The following ASTN2 variants were observed in gnomAD, a reference collection of about 807,000 sequenced individuals.
ASTN2 encodes astrotactin-2.
ASTN2 carries 54 observed loss-of-function variants against 139.8 expected under a neutral mutation model. That is an observed-to-expected ratio of 0.39 (90% CI 0.31 to 0.48). The LOEUF is 0.48. ASTN2 is among the 20% of genes least tolerant of loss of function. The pLI, the probability that ASTN2 is intolerant of heterozygous loss-of-function variation, is 0.95. For synonymous variants in ASTN2, 756 were observed against 719.5 expected (o/e 1.05, Z -0.81); for missense variants, 1,565 against 1,725.1 (o/e 0.91, Z 1.64).
intron 1 of ASTN2, among the ~76,000 whole-genome samples, chr9:117,361,010 C>G (rs1829677488): frequency 6.6e-6 from 1 of 152,068 alleles, no homozygotes; most frequent in Non-Finnish European, 1.5e-5. Flanking sequence ...CTAAATCTTG[C>G]CCAGACCTGA....
intron 3 of ASTN2, among the ~76,000 whole-genome samples, chr9:117,158,119 T>C (rs1239507613): frequency 6.6e-6 from 1 of 152,058 alleles, no homozygotes; most frequent in Admixed American, 6.6e-5. Context: ...ATTAAGCCTA[T>C]AATTAAAGTT....
intron 16 of ASTN2, among the ~76,000 whole-genome samples, chr9:116,659,255 G>C (rs1174287355): frequency 6.6e-6 from 1 of 152,048 alleles, no homozygotes; most frequent in East Asian, 1.9e-4. Flanking sequence ...ATGAGAACAA[G>C]GACCATGGCC....
Position 117,060,457 on chromosome 9 carries a change from A to AAAGAAAGGAAGG in ASTN2, c.1277-20493_1277-20492insCCTTCCTTTCTT, listed in dbSNP as rs1464588880. On this transcript the variant is annotated intron_variant, in intron 5 of 22. Transcript: ENST00000313400. ...AAGAGAGAGAGAGAAAGAAAGAAAG[A>AAAGAAAGGAAGG]AAGGAAGGAAGGAAGGAAGGAAGGA... 9.8e-5 allele frequency among the ~76,000 whole-genome samples: 6 copies of AAAGAAAGGAAGG among 61,460 alleles called. 1 individual carries two copies. Among genetic ancestry groups the AAAGAAAGGAAGG allele is most frequent in the South Asian group, 1.6e-3 (2 of 1,274 alleles). 40.3% of individuals were successfully genotyped at this position (61,460 alleles called of 152,430 possible).
chr9:116,827,285 G>C (rs921077153), intron 11 of ASTN2, among the ~76,000 whole-genome samples: 1 of 141,066 alleles, frequency 7.1e-6, no homozygotes, highest in African/African-American at 2.7e-5. Context: ...CTCCAGCCTG[G>C]GCAACAAGAG....
intron 12 of ASTN2, among the ~76,000 whole-genome samples, chr9:116,815,216 G>A (rs1831276903): frequency 6.6e-6 from 1 of 152,138 alleles, no homozygotes; most frequent in Non-Finnish European, 1.5e-5. Context: ...CTTCAGCTTT[G>A]ACAATGAAAA....
chr9:117,173,126 G>A (rs1358487336), intron 3 of ASTN2, among the ~76,000 whole-genome samples: 1 of 152,060 alleles, frequency 6.6e-6, no homozygotes, highest in East Asian at 1.9e-4. Context: ...AGCATGTATG[G>A]CAATAAAGAT....
Position 117,039,832 on chromosome 9 carries a change from G to A in ASTN2, c.1410C>T (p.His470=). Residue 470 remains histidine (H), a synonymous_variant, in exon 6 of 23, where the codon CAC becomes CAT. Transcript: ENST00000313400. Reference sequence around the variant, plus strand: ...CTCGGCTCTTACCATCTGCTATGAAGTGCTCGGGCACATGCAGAGTCACCT... The same window carrying A: ...CTCGGCTCTTACCATCTGCTATGAAATGCTCGGGCACATGCAGAGTCACCT... The part of the protein sequence containing the change: ...TVKVTLHVPE[H]FIADGSSFVV... 6.2e-7 allele frequency: 1 copy of A among 1,613,534 alleles called. No individual in the cohort carries two copies. Among genetic ancestry groups the A allele is most frequent in the Non-Finnish European group, 8.5e-7 (1 of 1,179,798 alleles).
chr9:117,279,363 T>C (rs957997652), intron 2 of ASTN2, among the ~76,000 whole-genome samples: 5 of 152,226 alleles, frequency 3.3e-5, no homozygotes, highest in Non-Finnish European at 7.3e-5. Context: ...TAGACCTTGG[T>C]TTTATCATTT....
In ASTN2 at chr9:117,068,704, C is replaced by T. The variant is rs1187128539; in HGVS notation, c.1276+27340G>A. On this transcript the variant is annotated intron_variant, in intron 5 of 22. Transcript: ENST00000313400. ...TTTCAGCTCCTGTTATTGGTCTATT[C>T]AGAGATTCAACTTCTTCCTGGTTTA... Among the ~76,000 whole-genome samples, 3 of 113,764 alleles carry T rather than the reference C, an allele frequency of 2.6e-5. 1 individual carries two copies. Among genetic ancestry groups the T allele is most frequent in the Non-Finnish European group, 5.6e-5 (3 of 53,562 alleles). 74.6% of individuals were successfully genotyped at this position (113,764 alleles called of 152,430 possible).
At chr9:116,831,944 G>A (rs768248970) in intron 11 of ASTN2, among the ~76,000 whole-genome samples, 4 of 151,986 alleles carry the variant, frequency 2.6e-5, no homozygotes, top group Admixed American at 2.0e-4. Context: ...TTTCTTTCAC[G>A]AGTATTTTAA....
chr9:117,036,131 A>T (rs933133832), intron 6 of ASTN2, among the ~76,000 whole-genome samples: 1 of 152,186 alleles, frequency 6.6e-6, no homozygotes, highest in Non-Finnish European at 1.5e-5. Context: ...TGAGACTCAG[A>T]TAGCTAACTT....
chr9:116,532,186 A>T (rs1358568965), intron 19 of ASTN2, among the ~76,000 whole-genome samples: 1 of 152,194 alleles, frequency 6.6e-6, no homozygotes, highest in African/African-American at 2.4e-5. Flanking sequence ...GTCTGTTCAC[A>T]TCCTTTGCCC....
intron 19 of ASTN2, among the ~76,000 whole-genome samples, chr9:116,503,074 G>A (rs1849952380): frequency 6.6e-6 from 1 of 150,834 alleles, no homozygotes; most frequent in South Asian, 2.1e-4. Flanking sequence ...AGGAAGGAAG[G>A]AGGGAGGAAG....
chr9:116,982,330 C>G (rs1267310438), intron 7 of ASTN2, among the ~76,000 whole-genome samples: 1 of 152,156 alleles, frequency 6.6e-6, no homozygotes, highest in African/African-American at 2.4e-5. Flanking sequence ...AAGTGCTGTA[C>G]TTGAAAAATC....
At chr9:116,648,730 A>G (rs1857737298) in intron 17 of ASTN2, among the ~76,000 whole-genome samples, 2 of 152,280 alleles carry the variant, frequency 1.3e-5, no homozygotes, top group Admixed American at 1.3e-4. Flanking sequence ...TCACTAATCT[A>G]CCACCAAAAA....
intron 1 of ASTN2, among the ~76,000 whole-genome samples, chr9:117,351,900 C>T (rs1829404117): frequency 6.6e-6 from 1 of 152,170 alleles, no homozygotes; most frequent in Non-Finnish European, 1.5e-5. Flanking sequence ...GCTGCAAAGT[C>T]ACCTATCACC....
At chr9:117,233,834 A>G (rs1221922536) in intron 2 of ASTN2, among the ~76,000 whole-genome samples, 1 of 152,190 alleles carries the variant, frequency 6.6e-6, no homozygotes, top group African/African-American at 2.4e-5. Context: ...ATTGAGTGTA[A>G]CAGTGGTCAT....
At chr9:116,458,521 TA>T (rs1000102622) in intron 20 of ASTN2, among the ~76,000 whole-genome samples, 23 of 151,144 alleles carry the variant, frequency 1.5e-4, no homozygotes, top group South Asian at 4.2e-4. Flanking sequence ...AAATTCGAAA[TA>T]AAAAAAATTA....
At chr9:116,830,991 A>C (rs1359357280) in intron 11 of ASTN2, among the ~76,000 whole-genome samples, 1 of 151,350 alleles carries the variant, frequency 6.6e-6, no homozygotes, top group East Asian at 1.9e-4. Context: ...CCACAGACAC[A>C]CCATGGAATA....
Sources: allele counts gnomAD v4.1 joint callset (sites outside exome capture counted in the v4.1 genomes callset), GRCh38; gene constraint gnomAD v4.1.1; transcripts MANE v1.5; gene names NCBI Gene and HGNC (gene_info 2026-07-23, HGNC 2026-07-21).